Variants in SEMA5A observed in about 807,000 individuals in gnomAD.
SEMA5A encodes the protein semaphorin-5A.
SEMA5A carries 55 observed loss-of-function variants against 135.5 expected under a neutral mutation model. The observed-to-expected ratio is 0.41, with a 90% confidence interval of 0.33 to 0.51. The LOEUF (loss-of-function observed/expected upper bound fraction) is 0.51, where lower values mean the gene tolerates loss of function less well. Among genes scored for constraint, SEMA5A ranks in the 20% least tolerant of loss-of-function variants. The probability of loss-of-function intolerance (pLI) is 0.37; values close to 1 mark genes in which losing one functional copy is unlikely to be tolerated. For synonymous variants in SEMA5A, 580 were observed against 546.5 expected, an observed-to-expected ratio of 1.06 and a Z score of -0.85; for missense variants, 1,290 against 1,419.9, an observed-to-expected ratio of 0.91 and a Z score of 1.47.
chr5:9,191,922 T>A lies in SEMA5A; in HGVS notation c.1069-1451A>T, dbSNP rs28498950. On this transcript the variant is annotated intron_variant, in intron 10 of 22. Coordinates refer to ENST00000382496, the MANE Select transcript of SEMA5A (RefSeq NM_003966.3). ...AAGGGCTCAGCCCTGCCATGACCCA[T>A]GTGTGAGTTTAGGTGAAGGGCTCAG... Among the ~76,000 whole-genome samples the A allele has an allele frequency of 7.2e-5, 8 of 110,700 alleles. No individual in the cohort carries two copies. The East Asian group carries it at 1.5e-3, about 20-fold the overall frequency. 72.6% of individuals were successfully genotyped at this position (110,700 alleles called of 152,430 possible).
chr5:9,532,412 C>A (rs1737498228), intron 1 of SEMA5A, among the ~76,000 whole-genome samples: 1 of 151,434 alleles, frequency 6.6e-6, no homozygotes, highest in Non-Finnish European at 1.5e-5. Flanking sequence ...ATTACAGGTG[C>A]CTGCCACCAT....
At chr5:9,407,343 A>G (rs1399028870) in intron 2 of SEMA5A, among the ~76,000 whole-genome samples, 1 of 152,250 alleles carries the variant, frequency 6.6e-6, no homozygotes, top group Non-Finnish European at 1.5e-5. Flanking sequence ...TGCTACGCAT[A>G]GTAATCAAAA....
chr5:9,412,852 T>A (rs1479463642), intron 2 of SEMA5A, among the ~76,000 whole-genome samples: 2 of 152,198 alleles, frequency 1.3e-5, no homozygotes, highest in Non-Finnish European at 2.9e-5. Context: ...GAAAATGTTT[T>A]AGATTTTGGA....
At chr5:9,128,248 C>T (rs895184515) in intron 13 of SEMA5A, among the ~76,000 whole-genome samples, 3 of 152,222 alleles carry the variant, frequency 2.0e-5, no homozygotes, top group African/African-American at 4.8e-5. Flanking sequence ...AGGGTTGAAT[C>T]CTGACTAGGC....
At chr5:9,172,244 A>G (rs1008127464) in intron 11 of SEMA5A, among the ~76,000 whole-genome samples, 1 of 152,212 alleles carries the variant, frequency 6.6e-6, no homozygotes, top group Non-Finnish European at 1.5e-5. Context: ...GATATTAAAA[A>G]TGCCAACACC....
intron 4 of SEMA5A, among the ~76,000 whole-genome samples, chr5:9,332,039 C>A (rs1341635781): frequency 6.6e-6 from 1 of 152,132 alleles, no homozygotes; most frequent in Non-Finnish European, 1.5e-5. Flanking sequence ...GGCTGATACT[C>A]ACATTGGGTC....
At chr5:9,145,260 C>T (rs1028345597) in intron 12 of SEMA5A, among the ~76,000 whole-genome samples, 1 of 152,160 alleles carries the variant, frequency 6.6e-6, no homozygotes, top group African/African-American at 2.4e-5. Flanking sequence ...CTAACATAGC[C>T]TCTCTCTCTT....
intron 11 of SEMA5A, among the ~76,000 whole-genome samples, chr5:9,179,481 G>A (rs1270242342): frequency 6.6e-6 from 1 of 152,108 alleles, no homozygotes; most frequent in Admixed American, 6.5e-5. Flanking sequence ...ATCCTATTTA[G>A]AACATACTGG....
rs142698527 is a variant in SEMA5A at position 9,390,321 on chromosome 5, T to A, written c.-77-10298A>T. On this transcript the variant is annotated intron_variant, in intron 2 of 22. Transcript: ENST00000382496. ...AGCAGACGGAAGATATCACCAAATGTATGAACCCTGAGGGGGTCAGATAAG... is the reference window on the plus strand; with the variant it reads ...AGCAGACGGAAGATATCACCAAATGAATGAACCCTGAGGGGGTCAGATAAG... 9.8e-5 allele frequency among the ~76,000 whole-genome samples: 15 copies of A among 152,294 alleles called. No individual in the cohort carries two copies. The East Asian group carries it at 2.9e-3, about 29-fold the overall frequency.
chr5:9,499,791 T>C (rs1735488813), intron 1 of SEMA5A, among the ~76,000 whole-genome samples: 2 of 152,194 alleles, frequency 1.3e-5, no homozygotes, highest in South Asian at 2.1e-4. Context: ...TCTGGTTGTG[T>C]ATCATTAACT....
At chr5:9,458,538 G>A (rs268538) in intron 1 of SEMA5A, among the ~76,000 whole-genome samples, 1 of 152,220 alleles carries the variant, frequency 6.6e-6, no homozygotes, top group African/African-American at 2.4e-5. Context: ...TCGCCCATAC[G>A]CCACCCAGCA....
chr5:9,243,482 A>C (rs1016054575), intron 5 of SEMA5A, among the ~76,000 whole-genome samples: 7 of 152,168 alleles, frequency 4.6e-5, no homozygotes, highest in African/African-American at 1.7e-4. Flanking sequence ...CTGCATGGAC[A>C]TGAGTTTTGG....
At chr5:9,066,274 T>C in intron 17 of SEMA5A, 147 bp downstream of exon 17, 2 of 719,978 alleles carry the variant, frequency 2.8e-6, no homozygotes, top group Non-Finnish European at 2.4e-6. Context: ...CTACAGTCAG[T>C]TGTGCTCTAC....
chr5:9,345,695 A>G (rs77809812), intron 3 of SEMA5A, among the ~76,000 whole-genome samples: 3 of 152,196 alleles, frequency 2.0e-5, no homozygotes, highest in Admixed American at 6.5e-5. Context: ...CAAACTACCC[A>G]GTATAAGAAC....
chr5:9,182,294 A>G (rs2150330223), intron 11 of SEMA5A, among the ~76,000 whole-genome samples: 1 of 152,176 alleles, frequency 6.6e-6, no homozygotes, highest in South Asian at 2.1e-4. Context: ...CAACTGTCCA[A>G]ACCAAAAACA....
intron 1 of SEMA5A, among the ~76,000 whole-genome samples, chr5:9,509,274 T>G (rs1207080470): frequency 6.6e-6 from 1 of 151,762 alleles, no homozygotes; most frequent in Non-Finnish European, 1.5e-5. Context: ...TTATTATTAT[T>G]ATTATTATTA....
chr5:9,229,655 TTTTG>T (rs1747512875), intron 6 of SEMA5A, among the ~76,000 whole-genome samples: 1 of 151,448 alleles, frequency 6.6e-6, no homozygotes, highest in Non-Finnish European at 1.5e-5. Context: ...AAGGGTGAGG[TTTTG>T]TTTGTTTTTT....
At chr5:9,426,934 A>G (rs1231769516) in intron 2 of SEMA5A, among the ~76,000 whole-genome samples, 1 of 152,250 alleles carries the variant, frequency 6.6e-6, no homozygotes, top group Non-Finnish European at 1.5e-5. Context: ...GACACTTCTA[A>G]GACATTTACA....
rs138834437 is a variant in SEMA5A at position 9,444,059 on chromosome 5, G to C, written c.-174-6207C>G. On this transcript the variant is annotated intron_variant, in intron 1 of 22. Transcript: ENST00000382496. The stretch of plus-strand genomic sequence containing the variant: ...CATTGAGACTCCCAAATATGAGATT[G>C]CTGGCCACTTTACATTCAAGACAGG... Among the ~76,000 whole-genome samples, 497 of 152,258 alleles carry C rather than the reference G, an allele frequency of 3.3e-3. 3 individuals are homozygous for C. Among genetic ancestry groups the C allele is most frequent in the African/African-American group, 0.011 (472 of 41,544 alleles).
Sources: allele counts gnomAD v4.1 joint callset (sites outside exome capture counted in the v4.1 genomes callset), GRCh38; gene constraint gnomAD v4.1.1; transcripts MANE v1.5; gene names NCBI Gene and HGNC (gene_info 2026-07-23, HGNC 2026-07-21).